Variants in MACF1 observed in about 807,000 individuals in gnomAD.
MACF1 encodes microtubule actin crosslinking factor 1, also known as microtubule-actin cross-linking factor 1.
A neutral mutation model predicts 854.8 loss-of-function variants in MACF1; 193 were observed. The observed-to-expected ratio is 0.23, with a 90% CI of 0.20 to 0.25. MACF1 has a LOEUF of 0.25. MACF1 is among the 10% of genes least tolerant of loss of function. The pLI, the probability that MACF1 is intolerant of heterozygous loss-of-function variation, is 1.00. For synonymous variants in MACF1, 3,185 were observed against 3,226.7 expected (o/e 0.99, Z 0.44); for missense variants, 7,722 against 8,929.1 (o/e 0.86, Z 5.45).
At chr1:39,423,921 A>G (rs1257068562) in intron 60 of MACF1, 107 bp from the exon 61 acceptor site, 12 of 960,580 alleles carry the variant, frequency 1.2e-5, no homozygotes, top group Non-Finnish European at 1.7e-5. Flanking sequence ...CTTTTACTCA[A>G]TGAAGCTTAG....
chr1:39,327,772 A>G (rs924857445), intron 36 of MACF1, among the ~76,000 whole-genome samples: 3 of 152,220 alleles, frequency 2.0e-5, no homozygotes, highest in Admixed American at 6.5e-5. Context: ...GGCAGTAAGA[A>G]ATATTAAGTT....
chr1:39,224,627 A>G (rs949502721), intron 1 of MACF1, among the ~76,000 whole-genome samples: 1 of 152,158 alleles, frequency 6.6e-6, no homozygotes, highest in Non-Finnish European at 1.5e-5. Context: ...TGTTGTCATC[A>G]TACTTGTTCA....
intron 59 of MACF1, 50 bp from the exon 60 acceptor site, chr1:39,422,680 G>T: frequency 6.3e-7 from 1 of 1,582,178 alleles, no homozygotes; most frequent in South Asian, 1.1e-5. Flanking sequence ...GTAGTAATTT[G>T]AAAACTACTT....
intron 2 of MACF1, among the ~76,000 whole-genome samples, chr1:39,166,692 A>G (rs1260725225): frequency 6.6e-6 from 1 of 151,396 alleles, no homozygotes; most frequent in Non-Finnish European, 1.5e-5. Flanking sequence ...ACCTCAGGTG[A>G]CCCATCTGCC....
intron 70 of MACF1, 107 bp downstream of exon 70, chr1:39,435,868 T>C: frequency 1.1e-6 from 1 of 920,284 alleles, no homozygotes; most frequent in Non-Finnish European, 1.7e-6. Flanking sequence ...AGCAGCATGT[T>C]AATACGTGAT....
intron 38 of MACF1, 55 bp downstream of exon 38, chr1:39,337,386 T>G: frequency 1.3e-6 from 2 of 1,584,366 alleles, no homozygotes; most frequent in Non-Finnish European, 1.7e-6. Context: ...GCTGCCTCCA[T>G]CTTCCTTGAA....
chr1:39,486,361 A>G lies in MACF1; in HGVS notation c.*567A>G, dbSNP rs1333258767. On this transcript the variant is annotated 3_prime_UTR_variant, in exon 101 of 101. Transcript: ENST00000564288. ...CTCATCTAAGTAACATTTGCACATG[A>G]TACAGCAAAAGGAGTTCATTGCAAT... The G allele has an allele frequency of 6.5e-6, 1 of 152,680 alleles. No individual in the cohort carries two copies. Among genetic ancestry groups the G allele is most frequent in the African/African-American group, 2.4e-5 (1 of 41,472 alleles). 9.5% of individuals were successfully genotyped at this position (152,680 alleles called of 1,614,324 possible).
chr1:39,159,916 C>CTGTA (rs1313921629), intron 2 of MACF1, among the ~76,000 whole-genome samples: 2 of 152,208 alleles, frequency 1.3e-5, no homozygotes, highest in Non-Finnish European at 2.9e-5. Flanking sequence ...GGCAGGAGAT[C>CTGTA]TGTACTCCCT....
chr1:39,212,129 C>G (rs572890496), intron 1 of MACF1, among the ~76,000 whole-genome samples: 1 of 152,074 alleles, frequency 6.6e-6, no homozygotes, highest in African/African-American at 2.4e-5. Context: ...TGAACCTCTT[C>G]CCTCCACTCA....
chr1:39,357,707 G>A lies in MACF1; in HGVS notation c.11757G>A (p.Arg3919=). ...SPETLPSLLK[R]QGSFSEDVIS... is the part of the protein sequence containing the mutation. Reference sequence around the variant, plus strand: ...AGACCCTTCCCTCCCTGCTAAAGCGGCAAGGAAGCTTCTCAGAGGATGTCA... The same window carrying A: ...AGACCCTTCCCTCCCTGCTAAAGCGACAAGGAAGCTTCTCAGAGGATGTCA... Residue 3919 remains arginine, a synonymous_variant, in exon 45 of 101, where the codon CGG becomes CGA. Transcript: ENST00000564288. 1.2e-6 allele frequency: 2 copies of A among 1,614,124 alleles called. No individual in the cohort carries two copies. The highest frequency in any genetic ancestry group is 1.7e-6 in the Non-Finnish European group (2 of 1,180,010).
intron 72 of MACF1, among the ~76,000 whole-genome samples, chr1:39,440,171 G>T (rs1353930710): frequency 7.6e-6 from 1 of 131,276 alleles, no homozygotes; most frequent in African/African-American, 3.0e-5. Context: ...GGATTGCAGT[G>T]GCATGATCTT....
chr1:39,483,375 C>G (rs1305108613), intron 99 of MACF1, among the ~76,000 whole-genome samples: 1 of 152,148 alleles, frequency 6.6e-6, no homozygotes, highest in South Asian at 2.1e-4. Flanking sequence ...GAGACAAGAC[C>G]TCTCTACTAA....
intron 58 of MACF1, among the ~76,000 whole-genome samples, chr1:39,415,776 G>A (rs1166837677): frequency 1.3e-5 from 2 of 152,164 alleles, no homozygotes; most frequent in African/African-American, 4.8e-5. Context: ...GCTTTCCACA[G>A]TTAATTACCC....
At chr1:39,373,444 G>A (rs529397141) in intron 52 of MACF1, 1 of 139,936 alleles carries the variant, frequency 7.1e-6, no homozygotes, top group South Asian at 2.3e-4. Context: ...TCCAGCCTGG[G>A]CAACAGACAG....
intron 2 of MACF1, among the ~76,000 whole-genome samples, chr1:39,086,365 G>A (rs561016105): frequency 4.6e-5 from 7 of 152,222 alleles, no homozygotes; most frequent in Non-Finnish European, 8.8e-5. Flanking sequence ...GCAGGAGGGA[G>A]AGTTGGAGCT....
rs1225525281 is a variant in MACF1, at chr1:39,480,938, C to T, written c.22189C>T (p.Arg7397Cys). Residue 7397 changes from arginine to cysteine, a missense_variant, in exon 99 of 101, where the codon CGC (arginine) becomes TGC (cysteine). Arg to Cys is a radical substitution (Grantham distance 180). Transcript: ENST00000564288. Reference protein sequence around the residue: ...SGTKTSLQFSRCYDKPWLVNS... With the variant: ...SGTKTSLQFSCCYDKPWLVNS... ...TTCACAGACTTCACTTCAGTTCTCT[C>T]GCTGTTATGACAAACCCTGGTTGGT... The T allele has an allele frequency of 1.9e-5, 30 of 1,548,870 alleles. 1 individual carries two copies. The highest frequency in any genetic ancestry group is 1.1e-4 in the South Asian group (9 of 83,982).
intron 43 of MACF1, among the ~76,000 whole-genome samples, chr1:39,352,102 A>G (rs1432425130): frequency 6.6e-6 from 1 of 152,204 alleles, no homozygotes; most frequent in Non-Finnish European, 1.5e-5. Flanking sequence ...TTCTTTGTTT[A>G]GCCTTGGATG....
chr1:39,355,459 G>GTT (rs1647462356), intron 44 of MACF1, among the ~76,000 whole-genome samples: 1 of 120,000 alleles, frequency 8.3e-6, no homozygotes. Flanking sequence ...TTTTTCTTCT[G>GTT]CTTTTTTTTT....
At position 39,413,228 on chromosome 1, in the gene MACF1, A is replaced by G. The variant is rs759395254; in HGVS notation, c.15817-9146A>G. ...ACAGTGCATGCTCCAGAGGAGCCTG[A>G]TACTGCAGCTGTCAGAGTGTCCACC... On this transcript the variant is annotated intron_variant, in intron 58 of 100. Coordinates refer to ENST00000564288, the MANE Select transcript of MACF1 (RefSeq NM_001394062.1). The G allele has an allele frequency of 1.7e-5, 28 of 1,612,560 alleles. No homozygotes were observed. Among genetic ancestry groups the G allele is most frequent in the Non-Finnish European group, 2.2e-5 (26 of 1,179,516 alleles).
Sources: gnomAD v4.1 joint callset for allele counts (sites outside exome capture counted in the v4.1 genomes callset) on GRCh38, gnomAD v4.1.1 for gene constraint, MANE v1.5 for transcripts, NCBI Gene and HGNC (gene_info 2026-07-23, HGNC 2026-07-21) for gene names.